PTPRN2: variants seen among roughly 807,000 people sequenced by gnomAD.
The protein encoded by PTPRN2 is receptor-type tyrosine-protein phosphatase N2.
PTPRN2 carries 74 observed loss-of-function variants against 118.8 expected under a neutral mutation model. The ratio of observed to expected loss-of-function variants is 0.62; its 90% CI spans 0.52 to 0.76. The LOEUF is 0.76. PTPRN2 is among the 30% of genes least tolerant of loss of function. The pLI, the probability that PTPRN2 is intolerant of heterozygous loss-of-function variation, is 0.00. For synonymous variants in PTPRN2, 641 were observed against 608.0 expected, an observed-to-expected ratio of 1.05 and a Z score of -0.80; for missense variants, 1,481 against 1,394.4, an observed-to-expected ratio of 1.06 and a Z score of -0.99.
At chr7:157,607,848 G>A (rs1802096525) in intron 15 of PTPRN2, among the ~76,000 whole-genome samples, 1 of 152,122 alleles carries the variant, frequency 6.6e-6, no homozygotes, top group African/African-American at 2.4e-5. Flanking sequence ...TCCTCTCGAT[G>A]GCAGAGGGGG....
intron 14 of PTPRN2, among the ~76,000 whole-genome samples, chr7:157,635,022 G>A (rs1294283656): frequency 6.6e-6 from 1 of 152,218 alleles, no homozygotes. Flanking sequence ...GTGAAGGACG[G>A]CACACTGGTC....
At chr7:157,909,900 G>A (rs1363707323) in intron 11 of PTPRN2, among the ~76,000 whole-genome samples, 3 of 152,234 alleles carry the variant, frequency 2.0e-5, no homozygotes, top group Non-Finnish European at 4.4e-5. Context: ...ATGAATAAGT[G>A]ACTTATAGGA....
chr7:158,579,338 A>G (rs1828509778), intron 1 of PTPRN2, among the ~76,000 whole-genome samples: 1 of 152,260 alleles, frequency 6.6e-6, no homozygotes, highest in Admixed American at 6.5e-5. Context: ...ACAATATTCC[A>G]TCCTGTCAGC....
At chr7:157,958,476 A>G (rs969357187) in intron 11 of PTPRN2, among the ~76,000 whole-genome samples, 19 of 152,236 alleles carry the variant, frequency 1.2e-4, no homozygotes, top group African/African-American at 4.6e-4. Context: ...TTCACTTATG[A>G]TATGATCCTA....
chr7:158,359,388 AAC>A (rs1808656856), intron 2 of PTPRN2, among the ~76,000 whole-genome samples: 1 of 152,186 alleles, frequency 6.6e-6, no homozygotes, highest in Non-Finnish European at 1.5e-5. Flanking sequence ...TGGCGAGGCC[AAC>A]ACACAGTCAC....
intron 11 of PTPRN2, among the ~76,000 whole-genome samples, chr7:157,950,912 A>G (rs545884182): frequency 2.0e-5 from 3 of 152,330 alleles, no homozygotes; most frequent in South Asian, 4.1e-4. Context: ...ATTCCCTATA[A>G]GAGAGTGGCT....
chr7:157,933,662 CTGAT>C (rs1172809267), intron 11 of PTPRN2, among the ~76,000 whole-genome samples: 1 of 149,818 alleles, frequency 6.7e-6, no homozygotes, highest in Non-Finnish European at 1.5e-5. Flanking sequence ...GTGAGTCACT[CTGAT>C]TGACACTTTT....
At chr7:157,670,277 AGAGTGACCGACGT>A in intron 13 of PTPRN2, among the ~76,000 whole-genome samples, 1 of 152,248 alleles carries the variant, frequency 6.6e-6, no homozygotes, top group South Asian at 2.1e-4. Flanking sequence ...GCTGCATCCG[AGAGTGACCGACGT>A]GCTGAAACCC....
chr7:157,754,480 C>G (rs1265770009), intron 12 of PTPRN2, among the ~76,000 whole-genome samples: 1 of 152,252 alleles, frequency 6.6e-6, no homozygotes, highest in Non-Finnish European at 1.5e-5. Context: ...TCAACCTAGA[C>G]CAGCCCCTGT....
chr7:158,415,556 T>A (rs1456243570), intron 2 of PTPRN2, among the ~76,000 whole-genome samples: 1 of 152,214 alleles, frequency 6.6e-6, no homozygotes, highest in African/African-American at 2.4e-5. Flanking sequence ...TCCCAGCTAC[T>A]GTGGATGTAC....
intron 11 of PTPRN2, among the ~76,000 whole-genome samples, chr7:157,957,541 C>A (rs761457363): frequency 1.3e-5 from 2 of 151,826 alleles, no homozygotes; most frequent in African/African-American, 4.8e-5. Context: ...TTATTGTATT[C>A]TTTTTATTTA....
chr7:157,785,491 C>A lies in PTPRN2; in HGVS notation c.1789-102554G>T, dbSNP rs138119869. ...ACTCCCAGACTAGAGCCAGCACTCG[C>A]GGGCAGGCCTCCCCAGGACCAGAGC... On this transcript the variant is annotated intron_variant, in intron 12 of 22. Transcript: ENST00000389418. This position sits in a 1 kb window ranked among gnomAD's most constrained non-coding sequence, Gnocchi z 7.3. Among the ~76,000 whole-genome samples, 1 of 152,308 alleles carries A rather than the reference C, an allele frequency of 6.6e-6. No homozygotes were observed. Among genetic ancestry groups the A allele is most frequent in the African/African-American group, 2.4e-5 (1 of 41,578 alleles).
intron 12 of PTPRN2, among the ~76,000 whole-genome samples, chr7:157,687,341 G>C (rs1204843497): frequency 6.6e-6 from 1 of 152,198 alleles, no homozygotes. Flanking sequence ...TGTGTTGACG[G>C]GTAGCCAGAT....
intron 6 of PTPRN2, among the ~76,000 whole-genome samples, chr7:158,145,748 T>A (rs1037977203): frequency 1.2e-4 from 19 of 152,230 alleles, no homozygotes; most frequent in Middle Eastern, 3.2e-3. Context: ...TCTTTTTCCA[T>A]CATTGCAGCT....
chr7:158,129,619 C>T (rs1818009734), intron 9 of PTPRN2, among the ~76,000 whole-genome samples: 1 of 151,824 alleles, frequency 6.6e-6, no homozygotes, highest in Admixed American at 6.6e-5. Flanking sequence ...CACATAACAC[C>T]CACACCACAC....
intron 12 of PTPRN2, among the ~76,000 whole-genome samples, chr7:157,756,614 A>G (rs111791025): frequency 2.6e-5 from 4 of 152,294 alleles, no homozygotes; most frequent in African/African-American, 9.6e-5. Flanking sequence ...TTTGTGGAGT[A>G]GCAGTATCTG....
rs1801348624 is a variant in PTPRN2 at position 157,596,498 on chromosome 7, A to G, written c.2419-1183T>C. 6.6e-6 allele frequency among the ~76,000 whole-genome samples: 1 copy of G among 152,240 alleles called. No homozygotes were observed. Among genetic ancestry groups the G allele is most frequent in the Admixed American group, 6.5e-5 (1 of 15,286 alleles). ...TTCGAAGATTAAGCACAGAAAAAAG[A>G]ACTTGAGGACAAAGCCTTGAGAGGC... On this transcript the variant is annotated intron_variant, in intron 16 of 22. Transcript: ENST00000389418. The surrounding 1 kb of genome is among the most constrained non-coding windows in gnomAD (Gnocchi z 4.2).
At chr7:157,666,197 C>G (rs1796130067) in intron 13 of PTPRN2, among the ~76,000 whole-genome samples, 2 of 151,802 alleles carry the variant, frequency 1.3e-5, no homozygotes, top group African/African-American at 4.8e-5. Context: ...TTGTGCCATG[C>G]TGCCTTGCAT....
rs150877510 is a variant in PTPRN2 at position 157,735,180 on chromosome 7, C to T, written c.1789-52243G>A. Among the ~76,000 whole-genome samples the T allele has an allele frequency of 3.2e-3, 493 of 152,352 alleles. 6 individuals carry two copies. Among genetic ancestry groups the T allele is most frequent in the South Asian group, 0.018 (85 of 4,830 alleles). On this transcript the variant is annotated intron_variant, in intron 12 of 22. Transcript: ENST00000389418. ...TCCCGTGGTTCGGCCGGCGAAGCTC[C>T]GTGTTCATGTGCACAGCCACATTGG... is the stretch of plus-strand genomic sequence containing the variant.
Sources: gnomAD v4.1 joint callset for allele counts (sites outside exome capture counted in the v4.1 genomes callset) on GRCh38, gnomAD v4.1.1 for gene constraint, Gnocchi (gnomAD v3.1) non-coding constraint, MANE v1.5 for transcripts, NCBI Gene and HGNC (gene_info 2026-07-23, HGNC 2026-07-21) for gene names.